Variants in DENND1A observed in about 807,000 individuals in gnomAD.
DENND1A encodes DENN domain-containing protein 1A.
In DENND1A, 51 loss-of-function variants were observed where a neutral mutation model predicts 113.7. That is an observed-to-expected ratio of 0.45 (90% CI 0.36 to 0.57). DENND1A has a LOEUF of 0.57. DENND1A is among the 20% of genes least tolerant of loss of function. The pLI is 0.00. For synonymous variants in DENND1A, 565 were observed against 570.8 expected (o/e 0.99, Z 0.14); for missense variants, 1,258 against 1,395.9 (o/e 0.90, Z 1.57).
chr9:123,583,112 G>C, intron 12 of DENND1A, 57 bp downstream of exon 12: 1 of 1,334,084 alleles, frequency 7.5e-7, no homozygotes. Flanking sequence ...CCAAAGTCAC[G>C]TTCATTTCCT....
At chr9:123,628,994 G>A (rs1300147149) in intron 10 of DENND1A, among the ~76,000 whole-genome samples, 1 of 152,202 alleles carries the variant, frequency 6.6e-6, no homozygotes, top group Non-Finnish European at 1.5e-5. Flanking sequence ...TGATGTCCCT[G>A]AGTTATGTCC....
chr9:123,460,077 G>A (rs746278477), intron 13 of DENND1A, among the ~76,000 whole-genome samples: 2 of 152,134 alleles, frequency 1.3e-5, no homozygotes, highest in Non-Finnish European at 2.9e-5. Context: ...TGTCCTATGT[G>A]GCATCTAAGT....
chr9:123,722,519 G>A (rs1158624965), intron 5 of DENND1A, among the ~76,000 whole-genome samples: 1 of 152,156 alleles, frequency 6.6e-6, no homozygotes, highest in African/African-American at 2.4e-5. Flanking sequence ...AGGCCCGGAG[G>A]TTTAGGAGGA....
At chr9:123,398,657 G>A (rs1026588238) in intron 21 of DENND1A, among the ~76,000 whole-genome samples, 7 of 152,008 alleles carry the variant, frequency 4.6e-5, no homozygotes, top group African/African-American at 7.3e-5. Context: ...GATAACAGGC[G>A]TGAGCCACCG....
At chr9:123,650,671 C>A (rs1054468749) in intron 9 of DENND1A, among the ~76,000 whole-genome samples, 5 of 152,022 alleles carry the variant, frequency 3.3e-5, no homozygotes, top group African/African-American at 1.2e-4. Context: ...CTTTGGGAGG[C>A]TGAGGTGGGT....
intron 10 of DENND1A, among the ~76,000 whole-genome samples, chr9:123,610,319 C>T (rs2060358942): frequency 1.3e-5 from 2 of 152,200 alleles, no homozygotes; most frequent in Non-Finnish European, 2.9e-5. Flanking sequence ...TTCATCTATT[C>T]TAATCCACAT....
At chr9:123,844,007 C>G (rs181150310) in intron 2 of DENND1A, among the ~76,000 whole-genome samples, 58 of 152,156 alleles carry the variant, frequency 3.8e-4, no homozygotes, top group African/African-American at 1.2e-3. Context: ...AAGCATCTGA[C>G]AAAATCCAAT....
intron 21 of DENND1A, chr9:123,401,806 T>A (rs375724245): frequency 1.2e-4 from 186 of 1,614,088 alleles, no homozygotes; most frequent in Non-Finnish European, 1.5e-4. Context: ...AGCAACGGCG[T>A]AAGTCAATGT....
intron 13 of DENND1A, among the ~76,000 whole-genome samples, chr9:123,466,354 C>G (rs949160538): frequency 1.4e-4 from 21 of 151,792 alleles, no homozygotes; most frequent in Non-Finnish European, 1.8e-4. Context: ...GGCAAGAGAG[C>G]AGCGATGTGA....
chr9:123,795,043 T>C (rs192691755), intron 2 of DENND1A, among the ~76,000 whole-genome samples: 1 of 152,350 alleles, frequency 6.6e-6, no homozygotes, highest in East Asian at 1.9e-4. Flanking sequence ...ACATGCATTA[T>C]TAGTTACTAT....
chr9:123,928,019 C>T (rs1186023081), intron 1 of DENND1A, among the ~76,000 whole-genome samples: 8 of 152,240 alleles, frequency 5.3e-5, no homozygotes, highest in Non-Finnish European at 5.9e-5. Flanking sequence ...CACAAGCTAA[C>T]ATATTTCCCA....
chr9:123,887,948 T>C (rs1226524840), intron 1 of DENND1A, among the ~76,000 whole-genome samples: 4 of 152,204 alleles, frequency 2.6e-5, no homozygotes, highest in South Asian at 4.1e-4. Flanking sequence ...TATAACTTGA[T>C]AGAAAAATAA....
chr9:123,802,780 G>T (rs920528225), intron 2 of DENND1A, among the ~76,000 whole-genome samples: 1 of 149,932 alleles, frequency 6.7e-6, no homozygotes, highest in Non-Finnish European at 1.5e-5. Context: ...TCGGCTCACC[G>T]CAACCTTCGC....
intron 12 of DENND1A, among the ~76,000 whole-genome samples, chr9:123,574,274 G>GT (rs2136434709): frequency 7.0e-6 from 1 of 143,204 alleles, no homozygotes; most frequent in African/African-American, 2.6e-5. Flanking sequence ...TTTTACTTCT[G>GT]TTTTTTGAAA....
intron 1 of DENND1A, among the ~76,000 whole-genome samples, chr9:123,888,693 C>T (rs1185898899): frequency 6.6e-6 from 1 of 152,212 alleles, no homozygotes; most frequent in Non-Finnish European, 1.5e-5. Flanking sequence ...CAAGGAAAGG[C>T]TGAAAATCTC....
chr9:123,691,051 A>G (rs2065159477), intron 5 of DENND1A, among the ~76,000 whole-genome samples: 1 of 152,212 alleles, frequency 6.6e-6, no homozygotes, highest in Non-Finnish European at 1.5e-5. Flanking sequence ...TCAGGAAGAC[A>G]GCAACCCTCC....
chr9:123,900,066 T>C (rs1477419441), intron 1 of DENND1A, among the ~76,000 whole-genome samples: 1 of 152,172 alleles, frequency 6.6e-6, no homozygotes, highest in Non-Finnish European at 1.5e-5. Flanking sequence ...ATTTACACCA[T>C]AGATAAAGCA....
chr9:123,842,050 T>C (rs892143945), intron 2 of DENND1A, among the ~76,000 whole-genome samples: 5 of 152,182 alleles, frequency 3.3e-5, no homozygotes, highest in African/African-American at 1.2e-4. Flanking sequence ...TTATTCAACA[T>C]GCAATTCCCA....
chr9:123,687,766 CCTT>C (rs1414140551), intron 5 of DENND1A, among the ~76,000 whole-genome samples: 1 of 152,202 alleles, frequency 6.6e-6, no homozygotes, highest in Non-Finnish European at 1.5e-5. Flanking sequence ...GGCAAGCAGC[CCTT>C]CTTCTTGCTT....
Sources: gnomAD v4.1 joint callset for allele counts (sites outside exome capture counted in the v4.1 genomes callset) on GRCh38, gnomAD v4.1.1 for gene constraint, MANE v1.5 for transcripts, NCBI Gene and HGNC (gene_info 2026-07-23, HGNC 2026-07-21) for gene names.